The following PNISR variants were observed in gnomAD, a reference collection of about 807,000 sequenced individuals.
PNISR encodes arginine/serine-rich protein PNISR.
A neutral mutation model predicts 93.4 loss-of-function variants in PNISR; 20 were observed. The ratio of observed to expected loss-of-function variants is 0.21; its 90% CI spans 0.15 to 0.31. PNISR has a LOEUF of 0.31. Ranked by LOEUF, PNISR falls within the 10% of genes least tolerant of loss-of-function variation. The pLI is 1.00. For synonymous variants in PNISR, 305 were observed against 306.5 expected (o/e 0.99, Z 0.05); for missense variants, 893 against 985.4 (o/e 0.91, Z 1.25).
intron 1 of PNISR, among the ~76,000 whole-genome samples, chr6:99,418,231 G>T (rs1303425389): frequency 1.3e-5 from 2 of 151,748 alleles, no homozygotes; most frequent in Non-Finnish European, 1.5e-5. Context: ...TCTGCCTCCT[G>T]GGTTCAAGCG....
At chr6:99,406,217 A>G in intron 7 of PNISR, 49 bp from the exon 8 acceptor site, 2 of 1,271,116 alleles carry the variant, frequency 1.6e-6, no homozygotes, top group Non-Finnish European at 2.2e-6. Context: ...TATAATGTAA[A>G]ATCCTTATCT....
At chr6:99,410,622 G>A in intron 5 of PNISR, 119 bp downstream of exon 5, 1 of 644,696 alleles carries the variant, frequency 1.6e-6, no homozygotes, top group Non-Finnish European at 2.7e-6. Flanking sequence ...GAGACAGAAT[G>A]TGCTTATTTA....
At chr6:99,412,417 A>T in intron 4 of PNISR, 134 bp downstream of exon 4, 1 of 733,686 alleles carries the variant, frequency 1.4e-6, no homozygotes. Context: ...AAGTCAAATC[A>T]AATTGAAAAC....
chr6:99,402,032 G>T (rs940242366), intron 11 of PNISR, among the ~76,000 whole-genome samples: 5 of 152,124 alleles, frequency 3.3e-5, no homozygotes, highest in African/African-American at 1.2e-4. Flanking sequence ...TGGGTGTGAG[G>T]CAAGTAGGAA....
chr6:99,416,329 C>T lies in PNISR; in HGVS notation c.-32+20G>A. On this transcript the variant is annotated intron_variant, in intron 2 of 11. Coordinates refer to ENST00000369239, the MANE Select transcript of PNISR (RefSeq NM_032870.4). Reference sequence around the variant, plus strand: ...AATAGGAAACACCAAGAAGACACACCAACTGCTATTTAAACTGACCTCAGA... The same window carrying T: ...AATAGGAAACACCAAGAAGACACACTAACTGCTATTTAAACTGACCTCAGA... The T allele has an allele frequency of 1.2e-6, 1 of 831,900 alleles. No homozygotes were observed. The highest frequency in any genetic ancestry group is 1.6e-6 in the Non-Finnish European group (1 of 622,810). The allele number at this position is 831,900 out of a possible 1,614,324, so 51.5% of individuals were successfully genotyped here.
chr6:99,411,611 GTTT>G (rs914824688), intron 4 of PNISR: 1 of 114,770 alleles, frequency 8.7e-6, no homozygotes, highest in East Asian at 2.1e-4. Flanking sequence ...CTGAATTCTC[GTTT>G]TTTTTGTTTG....
chr6:99,401,024 T>C lies in PNISR; in HGVS notation c.1934A>G (p.Gln645Arg). 1 of 1,613,888 alleles carries C rather than the reference T, an allele frequency of 6.2e-7. No homozygotes were observed. Among genetic ancestry groups the C allele is most frequent in the Non-Finnish European group, 8.5e-7 (1 of 1,179,972 alleles). The change falls in exon 12 of 12, where the codon CAA becomes CGA. Residue 645 changes from glutamine (Q) to arginine (R), a missense_variant. Gln to Arg is a conservative substitution (Grantham distance 43). This residue lies in a region of PNISR where 866 missense variants were observed against 935.1 expected (regional missense o/e 0.93). Transcript: ENST00000369239. ...RSRDRRKIDD[Q>R]RGNLSGNSHK... The stretch of plus-strand genomic sequence containing the variant: ...ACTGTTCCCACTAAGATTTCCACGT[T>C]GATCATCAATTTTACGCCTATCTCG...
chr6:99,402,795 T>G (rs1293051233), intron 10 of PNISR, 85 bp from the exon 11 acceptor site: 1 of 1,029,176 alleles, frequency 9.7e-7, no homozygotes, highest in African/African-American at 1.6e-5. Context: ...GAAAGTTCAT[T>G]TCTTTTTTCA....
chr6:99,409,677 C>T (rs1402215543), intron 5 of PNISR: 2 of 179,958 alleles, frequency 1.1e-5, no homozygotes, highest in Non-Finnish European at 2.3e-5. Flanking sequence ...TTTAACTAGA[C>T]ATTTTTGTCA....
intron 7 of PNISR, 96 bp downstream of exon 7, chr6:99,407,985 T>C (rs1776368646): frequency 1.2e-6 from 1 of 855,238 alleles, no homozygotes; most frequent in Admixed American, 2.4e-5. Flanking sequence ...GGAACATCAC[T>C]CTAATACTTT....
chr6:99,419,937 T>C (rs904383597), intron 1 of PNISR, among the ~76,000 whole-genome samples: 1 of 151,478 alleles, frequency 6.6e-6, no homozygotes, highest in East Asian at 1.9e-4. Flanking sequence ...CAGGCTGGAG[T>C]GCAGTGGTGC....
At chr6:99,409,430 G>A in intron 5 of PNISR, 86 bp from the exon 6 acceptor site, 1 of 1,196,520 alleles carries the variant, frequency 8.4e-7, no homozygotes. Context: ...TGGGACAGTA[G>A]AAATCCATGT....
chr6:99,401,763 T>G, intron 11 of PNISR, 133 bp from the exon 12 acceptor site: 1 of 609,546 alleles, frequency 1.6e-6, no homozygotes, highest in South Asian at 6.1e-5. Flanking sequence ...ATGTAAGTAA[T>G]TCAAAATTTT....
In PNISR at chr6:99,400,868, CTTTT is replaced by C. The variant is rs758977482; in HGVS notation, c.2086_2089del (p.Lys696GlyfsTer15). 2 of 1,595,380 alleles carry C rather than the reference CTTTT, an allele frequency of 1.3e-6. No individual in the cohort carries two copies. The highest frequency in any genetic ancestry group is 1.7e-6 in the Non-Finnish European group (2 of 1,168,466). ...ACTGAACTTAAAATCTTTTTCTTCC[CTTTT>C]TTGTTTCTCTTTTCTTTTATCCTGT... is the stretch of plus-strand genomic sequence containing the variant. On this transcript the variant is annotated frameshift_variant, in exon 12 of 12. Transcript: ENST00000369239. LOFTEE classifies it high-confidence loss of function.
intron 1 of PNISR, among the ~76,000 whole-genome samples, chr6:99,423,088 C>G (rs555292816): frequency 6.6e-6 from 1 of 150,650 alleles, no homozygotes; most frequent in Non-Finnish European, 1.5e-5. Context: ...AGGACTGCGA[C>G]AGGAAATATA....
Position 99,412,540 on chromosome 6 carries a change from AAAC to A in PNISR, c.277+8_277+10del. The A allele has an allele frequency of 3.2e-6, 5 of 1,554,584 alleles. No individual in the cohort carries two copies. The South Asian group carries it at 3.7e-5, about 11-fold the overall frequency. On this transcript the variant is annotated splice_region_variant and intron_variant, in intron 4 of 11. Transcript: ENST00000369239. ...AAAAGTCTTAAAATTGTGAAAACAT[AAAC>A]AACAAACCTGGTTGCCACATTCTGT...
chr6:99,419,110 A>ACTGCC lies in PNISR; in HGVS notation c.-111-2687_-111-2683dup, dbSNP rs527971848. Among the ~76,000 whole-genome samples, 316 of 133,058 alleles carry ACTGCC rather than the reference A, an allele frequency of 2.4e-3. 1 individual carries two copies. Among genetic ancestry groups the ACTGCC allele is most frequent in the Non-Finnish European group, 3.8e-3 (245 of 64,396 alleles). 87.3% of individuals were successfully genotyped at this position (133,058 alleles called of 152,430 possible). ...AGTCGCAGTGAGCTGAGATAGCACC[A>ACTGCC]CTGCCCTCCACCAGCCTGGGTGCCA... On this transcript the variant is annotated intron_variant, in intron 1 of 11. Transcript: ENST00000369239.
rs776427027 is a variant in PNISR, at chr6:99,410,834, A to G, written c.408T>C (p.Pro136=). ...TCTGGTTAAATATATGCCTGTTGTC[A>G]GGGGCAAATTCCCCACTGTCCTGAC... ...SNSQDSGEFA[P]DNRHIFNQNN... The change falls in exon 5 of 12, where the codon CCT becomes CCC. Residue 136 remains proline (P), a synonymous_variant. Coordinates refer to ENST00000369239, the MANE Select transcript of PNISR (RefSeq NM_032870.4). 5 of 1,614,116 alleles carry G rather than the reference A, an allele frequency of 3.1e-6. No homozygotes were observed. The South Asian group carries it at 5.5e-5, about 18-fold the overall frequency.
chr6:99,400,239 AT>A lies in PNISR; in HGVS notation c.*300del. ...GAGACAAGCCCTTAAAACTCATGGA[AT>A]TTTTTTAAAGAACATCATGGCATTC... On this transcript the variant is annotated 3_prime_UTR_variant, in exon 12 of 12. Transcript: ENST00000369239. 2 of 703,236 alleles carry A rather than the reference AT, an allele frequency of 2.8e-6. No individual in the cohort carries two copies. Among genetic ancestry groups the A allele is most frequent in the African/African-American group, 1.9e-5 (1 of 52,142 alleles). The allele number at this position is 703,236 out of a possible 1,614,324, so 43.6% of individuals were successfully genotyped here.
Sources: gnomAD v4.1 joint callset for allele counts (sites outside exome capture counted in the v4.1 genomes callset) on GRCh38, gnomAD v4.1.1 for gene constraint, gnomAD v4.1.1 regional missense constraint, MANE v1.5 for transcripts, NCBI Gene and HGNC (gene_info 2026-07-23, HGNC 2026-07-21) for gene names.